MAP4K1: variants seen among roughly 807,000 people sequenced by gnomAD.
The protein encoded by MAP4K1 is MAPK/ERK kinase kinase kinase 1.
In MAP4K1, 35 loss-of-function variants were observed where a neutral mutation model predicts 122.8. That is an observed-to-expected ratio of 0.29 (90% CI 0.22 to 0.38). The LOEUF (loss-of-function observed/expected upper bound fraction) is 0.38, where lower values mean the gene tolerates loss of function less well. Ranked by LOEUF, MAP4K1 falls within the 10% of genes least tolerant of loss-of-function variation. MAP4K1 has a pLI of 1.00. For missense variants in MAP4K1, 791 were observed against 1,072.6 expected (o/e 0.74, Z 3.67); for synonymous variants, 412 against 421.3 (o/e 0.98, Z 0.27).
At chr19:38,609,765 T>G in intron 12 of MAP4K1, 91 bp from the exon 13 acceptor site, 5 of 1,356,968 alleles carry the variant, frequency 3.7e-6, no homozygotes, top group Non-Finnish European at 4.1e-6. Flanking sequence ...TGTAACCCTC[T>G]GGGCACACAG....
In MAP4K1 at chr19:38,614,436, G is replaced by T. The variant is rs774924542; in HGVS notation, c.323C>A (p.Ser108Tyr). 3.7e-6 allele frequency: 6 copies of T among 1,613,970 alleles called. No individual in the cohort carries two copies. The South Asian group carries it at 6.6e-5, about 18-fold the overall frequency. ...SLQDIYQVTG[S>Y]LSELQISYVC... Reference sequence around the variant, plus strand: ...ATAGCTAATCTGGAGCTCTGACAGGGAGCCTGTCACTGCAAAGGTCACCCC... The same window carrying T: ...ATAGCTAATCTGGAGCTCTGACAGGTAGCCTGTCACTGCAAAGGTCACCCC... The change falls in exon 5 of 31, where the codon TCC becomes TAC. Residue 108 changes from serine (S) to tyrosine (Y), a missense_variant. Around this residue, in one of 4 missense-constraint regions of MAP4K1, gnomAD observed 163 missense variants for 286.1 expected, o/e 0.57. Transcript: ENST00000396857.
chr19:38,588,594 C>CA (rs777546169), intron 30 of MAP4K1, among the ~76,000 whole-genome samples: 27 of 146,010 alleles, frequency 1.8e-4, no homozygotes, highest in Non-Finnish European at 2.5e-4. Context: ...ACTAAAAATA[C>CA]AAAAAAAAAT....
At chr19:38,605,777 A>C in intron 17 of MAP4K1, 47 bp from the exon 18 acceptor site, 30 of 1,560,378 alleles carry the variant, frequency 1.9e-5, no homozygotes, top group Middle Eastern at 1.7e-4. Context: ...AGATGATCTC[A>C]GAGAGGGCAC....
chr19:38,608,076 G>A (rs778292399), intron 14 of MAP4K1, 36 bp downstream of exon 14: 56 of 1,566,790 alleles, frequency 3.6e-5, no homozygotes, highest in Non-Finnish European at 4.5e-5. Flanking sequence ...CAGGGAAGCA[G>A]GCGGTGTGGT....
intron 22 of MAP4K1, among the ~76,000 whole-genome samples, chr19:38,599,165 C>T (rs1377569889): frequency 7.0e-6 from 1 of 141,870 alleles, no homozygotes; most frequent in Non-Finnish European, 1.5e-5. Context: ...CCCATCTCTA[C>T]TAAAAATAAA....
intron 30 of MAP4K1, among the ~76,000 whole-genome samples, chr19:38,590,334 G>T (rs1355296262): frequency 1.1e-5 from 1 of 89,060 alleles, no homozygotes; most frequent in African/African-American, 4.3e-5. Context: ...TAATTATAAA[G>T]AAACATGGCT....
Position 38,589,848 on chromosome 19 carries a change from G to T in MAP4K1, c.2397-2031C>A, listed in dbSNP as rs894259629. Among the ~76,000 whole-genome samples the T allele has an allele frequency of 7.8e-4, 119 of 152,064 alleles. 6 individuals carry two copies. The highest frequency in any genetic ancestry group is 6.3e-4 in the Non-Finnish European group (43 of 68,004). The stretch of plus-strand genomic sequence containing the variant: ...AGTTCCAGACCAGGCTAAGTAACAT[G>T]GCGAAACCCTGTCTGTACAAAAAAT... On this transcript the variant is annotated intron_variant, in intron 30 of 30. Transcript: ENST00000396857.
chr19:38,588,751 CAAA>C (rs1207148126), intron 30 of MAP4K1, among the ~76,000 whole-genome samples: 3 of 98,288 alleles, frequency 3.1e-5, no homozygotes, highest in South Asian at 3.0e-4. Context: ...GCCTCTGTCT[CAAA>C]AAAAAAAAAA....
rs182567089 is a variant in MAP4K1 at position 38,612,756 on chromosome 19, C to T, written c.534-14G>A. ...TCCGGAGCCATCCTGGGGGCAGACACGCTCAGAGAGCCAGAGGTGGCATGG... is the reference window on the plus strand; with the variant it reads ...TCCGGAGCCATCCTGGGGGCAGACATGCTCAGAGAGCCAGAGGTGGCATGG... On this transcript the variant is annotated splice_polypyrimidine_tract_variant and intron_variant, in intron 8 of 30. Coordinates refer to ENST00000396857, the MANE Select transcript of MAP4K1 (RefSeq NM_001042600.3). 2.1e-3 allele frequency: 3,316 copies of T among 1,611,294 alleles called. 5 individuals are homozygous for T. The highest frequency in any genetic ancestry group is 6.4e-3 in the African/African-American group (479 of 74,936).
intron 30 of MAP4K1, 130 bp downstream of exon 30, chr19:38,593,152 G>T: frequency 3.9e-6 from 3 of 763,352 alleles, no homozygotes; most frequent in Middle Eastern, 3.4e-4. Context: ...CTAGGGAGCA[G>T]GGATGGAAGC....
chr19:38,596,067 A>G (rs1974866448), intron 26 of MAP4K1, 66 bp from the exon 27 acceptor site: 2 of 1,516,592 alleles, frequency 1.3e-6, no homozygotes, highest in East Asian at 4.5e-5. Context: ...CCACCCCCAG[A>G]AGGCCAGTAC....
At chr19:38,613,489 C>T (rs1975560967) in intron 8 of MAP4K1, among the ~76,000 whole-genome samples, 2 of 151,784 alleles carry the variant, frequency 1.3e-5, no homozygotes, top group South Asian at 4.2e-4. Flanking sequence ...TATGCCACTG[C>T]AATCCAGCCT....
chr19:38,602,411 GACACAC>G (rs145992581), intron 19 of MAP4K1, among the ~76,000 whole-genome samples: 8,928 of 148,054 alleles, frequency 0.06, 574 homozygotes, highest in East Asian at 0.26. Flanking sequence ...TATATATATA[GACACAC>G]ACACACACAC....
intron 19 of MAP4K1, among the ~76,000 whole-genome samples, chr19:38,603,709 C>T (rs936721772): frequency 2.0e-5 from 3 of 151,984 alleles, no homozygotes; most frequent in African/African-American, 2.4e-5. Flanking sequence ...CTGGGCCGGG[C>T]GCGGTGGCTC....
At chr19:38,616,362 T>C in intron 3 of MAP4K1, 103 bp from the exon 4 acceptor site, 3 of 784,378 alleles carry the variant, frequency 3.8e-6, no homozygotes, top group Non-Finnish European at 6.1e-6. Context: ...AATAAGAACT[T>C]TAACGTAACA....
chr19:38,601,604 T>A (rs576602306), intron 19 of MAP4K1, 79 bp from the exon 20 acceptor site: 21 of 1,079,308 alleles, frequency 1.9e-5, no homozygotes, highest in East Asian at 1.6e-4. Flanking sequence ...GTTACGACTT[T>A]GGAGCGAGAG....
chr19:38,605,776 C>T, intron 17 of MAP4K1, 46 bp from the exon 18 acceptor site: 1 of 1,564,438 alleles, frequency 6.4e-7, no homozygotes, highest in Non-Finnish European at 8.6e-7. Flanking sequence ...CAGATGATCT[C>T]AGAGAGGGCA....
At chr19:38,595,162 G>A (rs1443559032) in intron 29 of MAP4K1, among the ~76,000 whole-genome samples, 1 of 149,936 alleles carries the variant, frequency 6.7e-6, no homozygotes, top group Non-Finnish European at 1.5e-5. Context: ...GGTGGCGCAT[G>A]CCTGTAATCC....
rs903709048 is a variant in MAP4K1 at position 38,611,977 on chromosome 19, G to A, written c.665+634C>T. Among the ~76,000 whole-genome samples, 2 of 151,590 alleles carry A rather than the reference G, an allele frequency of 1.3e-5. 1 individual carries two copies. Among genetic ancestry groups the A allele is most frequent in the Admixed American group, 1.3e-4 (2 of 15,184 alleles). ...TAGCCAGGCATGGTGGCGTGCACCT[G>A]TAATCCCACACTTGGGAGGTTGAGG... On this transcript the variant is annotated intron_variant, in intron 9 of 30. Transcript: ENST00000396857.
Sources: gnomAD v4.1 joint callset for allele counts (sites outside exome capture counted in the v4.1 genomes callset) on GRCh38, gnomAD v4.1.1 for gene constraint, gnomAD v4.1.1 regional missense constraint, MANE v1.5 for transcripts, NCBI Gene and HGNC (gene_info 2026-07-23, HGNC 2026-07-21) for gene names.